CEMIP: variants seen among roughly 807,000 people sequenced by gnomAD.
CEMIP encodes the protein cell migration-inducing and hyaluronan-binding protein.
CEMIP carries 105 observed loss-of-function variants against 156.9 expected under a neutral mutation model. That is an observed-to-expected ratio of 0.67 (90% CI 0.57 to 0.79). The LOEUF (loss-of-function observed/expected upper bound fraction) is 0.79, where lower values mean the gene tolerates loss of function less well. Ranked by LOEUF, CEMIP falls within the 30% of genes least tolerant of loss-of-function variation. The pLI is 0.00. For missense variants in CEMIP, 1,457 were observed against 1,769.4 expected, an observed-to-expected ratio of 0.82 and a Z score of 3.17; for synonymous variants, 676 against 668.4, an observed-to-expected ratio of 1.01 and a Z score of -0.17.
chr15:80,931,656 TAATG>T (rs1404490662), intron 21 of CEMIP, among the ~76,000 whole-genome samples, 199 bp from the exon 22 acceptor site: 2 of 152,116 alleles, frequency 1.3e-5, no homozygotes, highest in Non-Finnish European at 2.9e-5. Context: ...TTAAATTAAT[TAATG>T]AATTAATAAT....
intron 10 of CEMIP, among the ~76,000 whole-genome samples, chr15:80,892,717 G>T (rs1285788721): frequency 6.6e-6 from 1 of 152,200 alleles, no homozygotes; most frequent in Non-Finnish European, 1.5e-5. Flanking sequence ...CCCTAAGAGT[G>T]GGTGCTGCCT....
At chr15:80,881,166 T>C in intron 6 of CEMIP, 30 bp downstream of exon 6, 1 of 1,574,534 alleles carries the variant, frequency 6.4e-7, no homozygotes, top group African/African-American at 1.3e-5. Flanking sequence ...AAACGTATAC[T>C]CATTCATTCA....
chr15:80,839,289 A>ATGTGTGTGTGTGTGT lies in CEMIP; in HGVS notation c.-175-34249_-175-34248insTGTGTGTGTGTGTGT, dbSNP rs71455356. 3.0e-3 allele frequency among the ~76,000 whole-genome samples: 400 copies of ATGTGTGTGTGTGTGT among 131,174 alleles called. 11 individuals carry two copies. Among genetic ancestry groups the ATGTGTGTGTGTGTGT allele is most frequent in the African/African-American group, 0.012 (378 of 32,652 alleles). 86.1% of individuals were successfully genotyped at this position (131,174 alleles called of 152,430 possible). On this transcript the variant is annotated intron_variant, in intron 1 of 29. Coordinates refer to ENST00000394685, the MANE Select transcript of CEMIP (RefSeq NM_001293298.2). ...TGAAGGCTGTGGAGTCAAGGCCGTG[A>ATGTGTGTGTGTGTGT]GTGTGTGTGTGTGTGTGTGTGTGTG...
intron 1 of CEMIP, among the ~76,000 whole-genome samples, chr15:80,794,559 T>C (rs1896166643): frequency 6.6e-6 from 1 of 152,240 alleles, no homozygotes; most frequent in South Asian, 2.1e-4. Flanking sequence ...ATTTTAATAA[T>C]ATACTTTATT....
chr15:80,900,694 T>C (rs189539385), intron 12 of CEMIP: 72 of 307,940 alleles, frequency 2.3e-4, no homozygotes, highest in African/African-American at 1.6e-3. Context: ...TGTGTGTATT[T>C]TGTGTCTGTC....
At chr15:80,792,533 C>T (rs1227233493) in intron 1 of CEMIP, among the ~76,000 whole-genome samples, 2 of 152,128 alleles carry the variant, frequency 1.3e-5, no homozygotes, top group Non-Finnish European at 2.9e-5. Flanking sequence ...ATATATTATT[C>T]TGTGTACTAT....
At chr15:80,829,990 G>GTGTGTGTGTGTGTGTT (rs112056985) in intron 1 of CEMIP, among the ~76,000 whole-genome samples, 1,860 of 149,272 alleles carry the variant, frequency 0.012, 40 homozygotes, top group African/African-American at 0.044. Context: ...GTGTGTGTGT[G>GTGTGTGTGTGTGTGTT]TGTGTGTGTG....
chr15:80,895,109 C>T lies in CEMIP; in HGVS notation c.1206C>T (p.Leu402=). ...RACRSYRVRF[L]CGKPVRPKLT... ...GCCGGAGCTACCGTGTACGGTTCCT[C>T]TGTGGGAAGCCTGGTAAGCAGCCCC... Residue 402 remains leucine, a synonymous_variant, in exon 11 of 30, where the codon CTC becomes CTT. Transcript: ENST00000394685. The T allele has an allele frequency of 1.2e-6, 2 of 1,614,208 alleles. No individual in the cohort carries two copies. Among genetic ancestry groups the T allele is most frequent in the Non-Finnish European group, 1.7e-6 (2 of 1,180,030 alleles).
intron 21 of CEMIP, 99 bp from the exon 22 acceptor site, chr15:80,931,760 A>T: frequency 8.1e-7 from 1 of 1,239,622 alleles, no homozygotes; most frequent in Non-Finnish European, 1.2e-6. Context: ...CATCCACCTC[A>T]GAAGGGGCAA....
intron 22 of CEMIP, among the ~76,000 whole-genome samples, chr15:80,933,044 G>A (rs1430614510): frequency 6.6e-6 from 1 of 152,232 alleles, no homozygotes; most frequent in East Asian, 1.9e-4. Flanking sequence ...AGGTCTGGGA[G>A]TTGAGGCACA....
At chr15:80,889,952 G>A (rs546500336) in intron 10 of CEMIP, among the ~76,000 whole-genome samples, 2 of 152,342 alleles carry the variant, frequency 1.3e-5, no homozygotes, top group East Asian at 1.9e-4. Context: ...GATTTGGGGT[G>A]CAGGCCAGGC....
At chr15:80,849,675 G>A (rs1294914938) in intron 1 of CEMIP, among the ~76,000 whole-genome samples, 1 of 150,988 alleles carries the variant, frequency 6.6e-6, no homozygotes, top group African/African-American at 2.5e-5. Flanking sequence ...CCACCAGAGA[G>A]AGAGAGAGAG....
chr15:80,782,385 T>C (rs541606669), intron 1 of CEMIP, among the ~76,000 whole-genome samples: 1 of 152,310 alleles, frequency 6.6e-6, no homozygotes, highest in Admixed American at 6.5e-5. Flanking sequence ...AGCACCTTAC[T>C]TCATGCTTGA....
At chr15:80,876,017 A>G (rs1007060705) in intron 3 of CEMIP, among the ~76,000 whole-genome samples, 1 of 152,244 alleles carries the variant, frequency 6.6e-6, no homozygotes, top group Non-Finnish European at 1.5e-5. Context: ...TTGGAGAGTG[A>G]AAAGAACAGT....
chr15:80,867,411 C>G (rs1187784753), intron 1 of CEMIP, among the ~76,000 whole-genome samples: 1 of 152,188 alleles, frequency 6.6e-6, no homozygotes. Flanking sequence ...GGTTTTTGGT[C>G]TTTGCAGCAA....
rs140660601 is a variant in CEMIP at position 80,793,398 on chromosome 15, G to C, written c.-176+13784G>C. Reference sequence around the variant, plus strand: ...ATCAACACGAGGTTAAGTCTTCTGTGGTGGGTGTTTTTCTCTTACCCAAAG... The same window carrying C: ...ATCAACACGAGGTTAAGTCTTCTGTCGTGGGTGTTTTTCTCTTACCCAAAG... On this transcript the variant is annotated intron_variant, in intron 1 of 29. Transcript: ENST00000394685. Among the ~76,000 whole-genome samples, 557 of 152,234 alleles carry C rather than the reference G, an allele frequency of 3.7e-3. 3 individuals are homozygous for C. The highest frequency in any genetic ancestry group is 0.013 in the African/African-American group (522 of 41,540).
intron 1 of CEMIP, among the ~76,000 whole-genome samples, chr15:80,798,584 A>C (rs183424720): frequency 1.1e-4 from 17 of 152,322 alleles, no homozygotes; most frequent in African/African-American, 3.8e-4. Context: ...CATAGCTAAT[A>C]GGTTTGTATT....
At chr15:80,887,914 T>G in intron 8 of CEMIP, 150 bp downstream of exon 8, 1 of 710,882 alleles carries the variant, frequency 1.4e-6, no homozygotes, top group Non-Finnish European at 2.5e-6. Context: ...CTGGCCACCT[T>G]ACATGGAAGT....
intron 1 of CEMIP, among the ~76,000 whole-genome samples, chr15:80,831,474 T>G (rs897217368): frequency 6.6e-6 from 1 of 152,022 alleles, no homozygotes; most frequent in African/African-American, 2.4e-5. Flanking sequence ...TAGGGCTAAG[T>G]TGGGGGGACA....
Sources: gnomAD v4.1 joint callset for allele counts (sites outside exome capture counted in the v4.1 genomes callset) on GRCh38, gnomAD v4.1.1 for gene constraint, MANE v1.5 for transcripts, NCBI Gene and HGNC (gene_info 2026-07-23, HGNC 2026-07-21) for gene names.